FAM135B: variants seen among roughly 807,000 people sequenced by gnomAD.
FAM135B encodes family with sequence similarity 135 member B, also known as protein FAM135B.
FAM135B carries 43 observed loss-of-function variants against 127.7 expected under a neutral mutation model. The observed-to-expected ratio is 0.34, with a 90% confidence interval of 0.26 to 0.43. The LOEUF is 0.43. Ranked by LOEUF, FAM135B falls within the 20% of genes least tolerant of loss-of-function variation. FAM135B has a pLI of 1.00. For synonymous variants in FAM135B, 670 were observed against 665.1 expected (o/e 1.01, Z -0.11); for missense variants, 1,558 against 1,725.6 (o/e 0.90, Z 1.72).
intron 1 of FAM135B, among the ~76,000 whole-genome samples, chr8:138,455,665 C>T (rs1836733834): frequency 6.6e-6 from 1 of 152,088 alleles, no homozygotes; most frequent in Non-Finnish European, 1.5e-5. Flanking sequence ...TCTGTTCTTT[C>T]TTGTCTAGCA....
intron 1 of FAM135B, among the ~76,000 whole-genome samples, chr8:138,470,861 T>C (rs1056047132): frequency 6.6e-6 from 1 of 152,158 alleles, no homozygotes; most frequent in Non-Finnish European, 1.5e-5. Flanking sequence ...ATATAAATAT[T>C]AAAGAGCCCA....
intron 1 of FAM135B, among the ~76,000 whole-genome samples, chr8:138,400,123 G>C (rs761451068): frequency 6.6e-6 from 1 of 152,096 alleles, no homozygotes; most frequent in Admixed American, 6.5e-5. Flanking sequence ...TCTGGAGCTC[G>C]GGCTTTGGGT....
At chr8:138,416,636 A>G (rs931798564) in intron 1 of FAM135B, among the ~76,000 whole-genome samples, 1 of 152,130 alleles carries the variant, frequency 6.6e-6, no homozygotes, top group Non-Finnish European at 1.5e-5. Context: ...CACTGGAGAT[A>G]CTGAGCTGAA....
intron 4 of FAM135B, among the ~76,000 whole-genome samples, chr8:138,262,547 G>T (rs76204339): frequency 4.1e-4 from 62 of 152,246 alleles, no homozygotes; most frequent in African/African-American, 1.4e-3. Context: ...CACTCAACAT[G>T]AGGACTCCAG....
intron 9 of FAM135B, among the ~76,000 whole-genome samples, chr8:138,193,778 C>T (rs1029609747): frequency 1.3e-5 from 2 of 152,150 alleles, no homozygotes; most frequent in East Asian, 1.9e-4. Context: ...AGCTCTCTAG[C>T]GGTCCCCTCA....
chr8:138,183,177 A>G (rs1219115913), intron 9 of FAM135B, among the ~76,000 whole-genome samples: 1 of 152,224 alleles, frequency 6.6e-6, no homozygotes, highest in Non-Finnish European at 1.5e-5. Context: ...GTTACAAGGC[A>G]CTGTGTGCCA....
intron 2 of FAM135B, among the ~76,000 whole-genome samples, chr8:138,363,840 T>C (rs1335095069): frequency 6.6e-6 from 1 of 152,188 alleles, no homozygotes; most frequent in Admixed American, 6.5e-5. Flanking sequence ...CTGCAACATT[T>C]GGATGGAGGA....
At chr8:138,380,155 C>T (rs1831752323) in intron 1 of FAM135B, among the ~76,000 whole-genome samples, 2 of 152,210 alleles carry the variant, frequency 1.3e-5, no homozygotes, top group South Asian at 4.2e-4. Flanking sequence ...AGGTCAGTAG[C>T]ACCATATGGG....
intron 1 of FAM135B, among the ~76,000 whole-genome samples, chr8:138,374,552 A>G (rs530702744): frequency 5.5e-4 from 83 of 152,204 alleles, no homozygotes; most frequent in Non-Finnish European, 1.1e-3. Flanking sequence ...GAGGTTCACA[A>G]ATACTATGGA....
intron 12 of FAM135B, among the ~76,000 whole-genome samples, chr8:138,160,838 A>AC (rs1819312899): frequency 1.3e-5 from 1 of 79,272 alleles, no homozygotes; most frequent in Admixed American, 1.4e-4. Context: ...GTTTTAACTT[A>AC]TCAAAGTATG....
intron 2 of FAM135B, among the ~76,000 whole-genome samples, chr8:138,330,781 T>C (rs570334229): frequency 6.6e-6 from 1 of 152,108 alleles, no homozygotes; most frequent in South Asian, 2.1e-4. Context: ...TTTTGGAAGG[T>C]CCCACATTTC....
chr8:138,307,887 T>TA (rs1320720054), intron 3 of FAM135B, among the ~76,000 whole-genome samples: 1 of 152,308 alleles, frequency 6.6e-6, no homozygotes, highest in East Asian at 1.9e-4. Context: ...TGCTATATTT[T>TA]TGCCTAAAGA....
intron 1 of FAM135B, among the ~76,000 whole-genome samples, chr8:138,417,140 T>C (rs1834208966): frequency 6.6e-6 from 1 of 152,176 alleles, no homozygotes; most frequent in Admixed American, 6.6e-5. Flanking sequence ...AATACCCCTC[T>C]AGCTGGCTTT....
intron 2 of FAM135B, among the ~76,000 whole-genome samples, chr8:138,352,063 T>A (rs2131124314): frequency 6.6e-6 from 1 of 152,246 alleles, no homozygotes; most frequent in South Asian, 2.1e-4. Flanking sequence ...GACATAATGC[T>A]CTGTGCATAA....
At chr8:138,337,419 A>G (rs1037419749) in intron 2 of FAM135B, among the ~76,000 whole-genome samples, 1 of 152,130 alleles carries the variant, frequency 6.6e-6, no homozygotes, top group Non-Finnish European at 1.5e-5. Context: ...GTCTCAGGAT[A>G]CAAAATCAAT....
Position 138,148,544 on chromosome 8 carries a change from C to T in FAM135B, c.3424G>A (p.Val1142Ile), listed in dbSNP as rs35765793. Residue 1142 changes from valine (V) to isoleucine (I), a missense_variant, in exon 14 of 20, where the codon GTT becomes ATT. Physicochemically the swap from Val to Ile is conservative, Grantham distance 29 (BLOSUM62 3). Transcript: ENST00000395297. ...EENLEDGIHLVVCVHGLDGNS... is the reference protein window; with the variant it reads ...EENLEDGIHLIVCVHGLDGNS... ...CCATCCAGGCCATGGACACAGACAACCAGGTGAATTCCATCTTCCAAATTT... is the reference window on the plus strand; with the variant it reads ...CCATCCAGGCCATGGACACAGACAATCAGGTGAATTCCATCTTCCAAATTT... 2,052 of 1,613,966 alleles carry T rather than the reference C, an allele frequency of 1.3e-3. 20 individuals carry two copies. The African/African-American group carries it at 0.025, about 20-fold the overall frequency.
chr8:138,240,849 C>T (rs954402421), intron 7 of FAM135B, among the ~76,000 whole-genome samples: 1 of 152,134 alleles, frequency 6.6e-6, no homozygotes, highest in Non-Finnish European at 1.5e-5. Flanking sequence ...AGCAAAGGCC[C>T]TTGGCTTGGG....
At chr8:138,400,036 T>C (rs1313826725) in intron 1 of FAM135B, among the ~76,000 whole-genome samples, 1 of 151,970 alleles carries the variant, frequency 6.6e-6, no homozygotes, top group Non-Finnish European at 1.5e-5. Flanking sequence ...CCCTGCAGAG[T>C]GTTTGGCACT....
chr8:138,236,829 T>C (rs1820311620), intron 7 of FAM135B, among the ~76,000 whole-genome samples: 1 of 152,228 alleles, frequency 6.6e-6, no homozygotes, highest in South Asian at 2.1e-4. Context: ...ACATGGTGAA[T>C]GGATCACAGG....
Sources: allele counts gnomAD v4.1 joint callset (sites outside exome capture counted in the v4.1 genomes callset), GRCh38; gene constraint gnomAD v4.1.1; transcripts MANE v1.5; gene names NCBI Gene and HGNC (gene_info 2026-07-23, HGNC 2026-07-21).